ARL15: variants seen among roughly 807,000 people sequenced by gnomAD.
The protein encoded by ARL15 is ADP-ribosylation factor-like protein 15.
In ARL15, 19 loss-of-function variants were observed where a neutral mutation model predicts 25.2. The observed-to-expected ratio is 0.75, with a 90% confidence interval of 0.53 to 1.10. The LOEUF is 1.10. Among genes scored for constraint, ARL15 ranks in the 50% least tolerant of loss-of-function variants. ARL15 has a pLI of 0.00. For missense variants in ARL15, 220 were observed against 246.0 expected (o/e 0.89, Z 0.71); for synonymous variants, 94 against 86.8 (o/e 1.08, Z -0.46).
chr5:53,893,620 C>CA (rs1409887669), intron 4 of ARL15, among the ~76,000 whole-genome samples: 7 of 152,054 alleles, frequency 4.6e-5, no homozygotes, highest in African/African-American at 1.7e-4. Flanking sequence ...AACAAACAAA[C>CA]AAACAAACAA....
intron 1 of ARL15, among the ~76,000 whole-genome samples, chr5:54,220,089 T>A (rs1756328727): frequency 1.3e-5 from 2 of 152,232 alleles, no homozygotes; most frequent in South Asian, 2.1e-4. Flanking sequence ...TTTTATGGGT[T>A]ACTAATAATC....
intron 4 of ARL15, among the ~76,000 whole-genome samples, chr5:53,947,784 G>A (rs1388957545): frequency 2.0e-5 from 3 of 152,092 alleles, no homozygotes; most frequent in Non-Finnish European, 4.4e-5. Context: ...TGAGTGAGTT[G>A]TTCATATTCA....
chr5:54,184,932 T>C (rs1421314483), intron 1 of ARL15, among the ~76,000 whole-genome samples: 1 of 152,146 alleles, frequency 6.6e-6, no homozygotes, highest in African/African-American at 2.4e-5. Context: ...GTCTCCAGAA[T>C]ACCATGTTTT....
At chr5:54,010,226 A>G (rs1338204972) in intron 4 of ARL15, among the ~76,000 whole-genome samples, 8 of 152,356 alleles carry the variant, frequency 5.3e-5, no homozygotes, top group Admixed American at 1.3e-4. Context: ...ATCCATGCAT[A>G]GTAGTAACAT....
chr5:54,181,834 T>G (rs895191685), intron 1 of ARL15, among the ~76,000 whole-genome samples: 6 of 151,622 alleles, frequency 4.0e-5, no homozygotes, highest in Non-Finnish European at 7.4e-5. Context: ...TTTTAATGAT[T>G]GCCATTCTAA....
chr5:53,981,050 C>T (rs968520016), intron 4 of ARL15, among the ~76,000 whole-genome samples: 6 of 152,156 alleles, frequency 3.9e-5, no homozygotes, highest in Middle Eastern at 3.4e-3. Context: ...TGAAGGAACC[C>T]GACTGCACAG....
chr5:53,954,550 C>T (rs1461416345), intron 4 of ARL15, among the ~76,000 whole-genome samples: 1 of 152,206 alleles, frequency 6.6e-6, no homozygotes, highest in Admixed American at 6.5e-5. Context: ...TGCCACAGAA[C>T]AGTTTCCTTT....
intron 4 of ARL15, among the ~76,000 whole-genome samples, chr5:53,995,039 G>C (rs1318194079): frequency 6.6e-6 from 1 of 152,052 alleles, no homozygotes; most frequent in African/African-American, 2.4e-5. Context: ...GGCTGGGCGC[G>C]GTGGCTCATG....
At chr5:53,964,776 TA>T (rs1297330448) in intron 4 of ARL15, among the ~76,000 whole-genome samples, 1 of 152,228 alleles carries the variant, frequency 6.6e-6, no homozygotes, top group Non-Finnish European at 1.5e-5. Flanking sequence ...ATACTTTCTA[TA>T]ACATCCTTGA....
intron 4 of ARL15, among the ~76,000 whole-genome samples, chr5:54,012,061 G>A (rs957239669): frequency 6.6e-6 from 1 of 151,854 alleles, no homozygotes; most frequent in African/African-American, 2.4e-5. Flanking sequence ...GTAAATTTAA[G>A]GTAGCATTTC....
intron 2 of ARL15, among the ~76,000 whole-genome samples, chr5:54,160,715 A>G (rs1754378201): frequency 6.6e-6 from 1 of 152,324 alleles, no homozygotes; most frequent in East Asian, 1.9e-4. Flanking sequence ...TTTAAAAATT[A>G]TGTCAGAGGT....
At chr5:54,030,614 C>A (rs1421332051) in intron 4 of ARL15, among the ~76,000 whole-genome samples, 2 of 152,078 alleles carry the variant, frequency 1.3e-5, no homozygotes, top group Non-Finnish European at 2.9e-5. Context: ...TCAAAGGTCC[C>A]GAGGCAGCAG....
intron 1 of ARL15, among the ~76,000 whole-genome samples, chr5:54,201,105 C>T (rs1755711492): frequency 6.6e-6 from 1 of 151,896 alleles, no homozygotes; most frequent in Non-Finnish European, 1.5e-5. Context: ...CTTGGTTTTA[C>T]CCTCAGTTCA....
chr5:53,995,036 C>T (rs1352437637), intron 4 of ARL15, among the ~76,000 whole-genome samples: 3 of 152,148 alleles, frequency 2.0e-5, no homozygotes, highest in African/African-American at 2.4e-5. Context: ...GGAGGCTGGG[C>T]GCGGTGGCTC....
intron 1 of ARL15, among the ~76,000 whole-genome samples, chr5:54,291,581 C>A (rs1391075779): frequency 6.6e-6 from 1 of 152,120 alleles, no homozygotes; most frequent in East Asian, 1.9e-4. Flanking sequence ...GCTACTAACT[C>A]TACTGAATTA....
chr5:54,155,700 ACACG>A (rs1335946236), intron 2 of ARL15, among the ~76,000 whole-genome samples: 1 of 151,700 alleles, frequency 6.6e-6, no homozygotes, highest in Non-Finnish European at 1.5e-5. Flanking sequence ...ACACACACAC[ACACG>A]CACACACACA....
At chr5:54,025,287 CA>C (rs756211559) in intron 4 of ARL15, among the ~76,000 whole-genome samples, 657 of 80,108 alleles carry the variant, frequency 8.2e-3, no homozygotes, top group African/African-American at 0.027. Context: ...ACAAAGGGAC[CA>C]AAAAAAAAAA....
chr5:54,246,256 T>C (rs918217056), intron 1 of ARL15, among the ~76,000 whole-genome samples: 1 of 152,098 alleles, frequency 6.6e-6, no homozygotes, highest in African/African-American at 2.4e-5. Context: ...AACTCCTCTA[T>C]GCGCCCTTAT....
At chr5:54,063,755 G>T (rs541154705) in intron 4 of ARL15, among the ~76,000 whole-genome samples, 1 of 152,204 alleles carries the variant, frequency 6.6e-6, no homozygotes, top group South Asian at 2.1e-4. Flanking sequence ...TTTTGTGTCT[G>T]CTGGACTAAC....
Sources: allele counts gnomAD v4.1 joint callset (sites outside exome capture counted in the v4.1 genomes callset), GRCh38; gene constraint gnomAD v4.1.1; transcripts MANE v1.5; gene names NCBI Gene and HGNC (gene_info 2026-07-23, HGNC 2026-07-21).